The following DNAJC6 variants were observed in gnomAD, a reference collection of about 807,000 sequenced individuals.
DNAJC6 encodes auxilin.
A neutral mutation model predicts 110.0 loss-of-function variants in DNAJC6; 34 were observed. The ratio of observed to expected loss-of-function variants is 0.31; its 90% CI spans 0.24 to 0.41. DNAJC6 has a LOEUF of 0.41. Among genes scored for constraint, DNAJC6 ranks in the 10% least tolerant of loss-of-function variants. DNAJC6 has a pLI of 1.00. For missense variants in DNAJC6, 1,031 were observed against 1,207.8 expected, an observed-to-expected ratio of 0.85 and a Z score of 2.17; for synonymous variants, 406 against 437.2, an observed-to-expected ratio of 0.93 and a Z score of 0.89.
At chr1:65,375,253 C>T (rs1645749983) in intron 4 of DNAJC6, among the ~76,000 whole-genome samples, 1 of 152,038 alleles carries the variant, frequency 6.6e-6, no homozygotes, top group Non-Finnish European at 1.5e-5. Context: ...GCGTGAGCTG[C>T]CGAGCCTGGC....
At chr1:65,365,279 A>G (rs1243168401) in intron 2 of DNAJC6, among the ~76,000 whole-genome samples, 1 of 151,908 alleles carries the variant, frequency 6.6e-6, no homozygotes, top group African/African-American at 2.4e-5. Context: ...GAAGTTTCCT[A>G]CTCTTCCACT....
At chr1:65,385,986 T>C in intron 7 of DNAJC6, 80 bp downstream of exon 7, 2 of 1,334,686 alleles carry the variant, frequency 1.5e-6, no homozygotes, top group Admixed American at 2.1e-5. Flanking sequence ...AATCATATTC[T>C]TCCTGCAAGA....
At chr1:65,317,565 A>G (rs1645159525) in intron 1 of DNAJC6, among the ~76,000 whole-genome samples, 1 of 152,230 alleles carries the variant, frequency 6.6e-6, no homozygotes, top group Non-Finnish European at 1.5e-5. Flanking sequence ...TAACAGCGCA[A>G]ATGTCACCAC....
At chr1:65,387,389 A>G (rs561330056) in intron 8 of DNAJC6, among the ~76,000 whole-genome samples, 2 of 152,330 alleles carry the variant, frequency 1.3e-5, no homozygotes, top group Admixed American at 1.3e-4. Flanking sequence ...TGCAAACATC[A>G]CCACTAATTC....
At chr1:65,305,719 G>C (rs1645030611), upstream of DNAJC6, among the ~76,000 whole-genome samples, 1 of 151,862 alleles carries the variant, frequency 6.6e-6, no homozygotes, top group East Asian at 2.0e-4. Context: ...TAAAAACTCA[G>C]GGCAAAACAA....
At chr1:65,387,636 A>G (rs1645885586) in intron 8 of DNAJC6, among the ~76,000 whole-genome samples, 1 of 152,326 alleles carries the variant, frequency 6.6e-6, no homozygotes. Flanking sequence ...TCATTATCTT[A>G]TATGGCCAAA....
intron 4 of DNAJC6, among the ~76,000 whole-genome samples, chr1:65,371,846 G>A (rs1570340463): frequency 6.6e-6 from 1 of 152,188 alleles, no homozygotes; most frequent in African/African-American, 2.4e-5. Context: ...GCATGAAGCT[G>A]TGAACCCCAG....
chr1:65,348,964 ATAAATATATATG>A (rs1481698192), intron 1 of DNAJC6, among the ~76,000 whole-genome samples: 1 of 146,038 alleles, frequency 6.8e-6, no homozygotes, highest in Admixed American at 6.9e-5. Context: ...ATAAATATAT[ATAAATATATATG>A]TAAATATATA....
At chr1:65,381,471 C>T (rs1283919429) in intron 5 of DNAJC6, among the ~76,000 whole-genome samples, 1 of 151,634 alleles carries the variant, frequency 6.6e-6, no homozygotes, top group Non-Finnish European at 1.5e-5. Context: ...ATTGCTTGAA[C>T]CTGGGAGGCG....
chr1:65,328,763 T>C (rs1441518021), intron 1 of DNAJC6, among the ~76,000 whole-genome samples: 3 of 152,220 alleles, frequency 2.0e-5, no homozygotes, highest in African/African-American at 7.2e-5. Flanking sequence ...CTTAGCAGTC[T>C]TCTTGGTTCC....
chr1:65,266,156 G>A (rs185988898), intron 1 of DNAJC6, among the ~76,000 whole-genome samples: 2 of 152,300 alleles, frequency 1.3e-5, no homozygotes, highest in East Asian at 1.9e-4. Context: ...CTCTCTGCGC[G>A]CAGCGCCGCG....
intron 14 of DNAJC6, among the ~76,000 whole-genome samples, chr1:65,400,593 T>C (rs1328219173): frequency 2.0e-5 from 3 of 152,260 alleles, no homozygotes; most frequent in Non-Finnish European, 4.4e-5. Flanking sequence ...TTTGTCTTTC[T>C]GTGCCTGGCT....
chr1:65,367,296 G>A (rs894670894), intron 4 of DNAJC6, among the ~76,000 whole-genome samples: 2 of 152,114 alleles, frequency 1.3e-5, no homozygotes, highest in Non-Finnish European at 2.9e-5. Context: ...ACCACTCTTT[G>A]ATAAAGCACT....
At chr1:65,385,512 G>C (rs1645862620) in intron 6 of DNAJC6, among the ~76,000 whole-genome samples, 200 bp from the exon 7 acceptor site, 1 of 152,050 alleles carries the variant, frequency 6.6e-6, no homozygotes, top group East Asian at 1.9e-4. Flanking sequence ...CAGTTCATTG[G>C]GGAAGTACAG....
intron 1 of DNAJC6, among the ~76,000 whole-genome samples, chr1:65,288,947 A>G (rs1654106311): frequency 6.6e-6 from 1 of 152,176 alleles, no homozygotes; most frequent in South Asian, 2.1e-4. Context: ...TATGAAAAGT[A>G]CTACTATGAA....
intron 1 of DNAJC6, among the ~76,000 whole-genome samples, chr1:65,269,979 A>C (rs1376792477): frequency 6.6e-6 from 1 of 152,156 alleles, no homozygotes; most frequent in African/African-American, 2.4e-5. Context: ...AACCTTCTAT[A>C]CTTTTCTGGG....
At chr1:65,360,832 C>A (rs1645590320) in intron 1 of DNAJC6, among the ~76,000 whole-genome samples, 1 of 152,100 alleles carries the variant, frequency 6.6e-6, no homozygotes, top group South Asian at 2.1e-4. Flanking sequence ...ATGAGATTGA[C>A]TTGGTTTGCC....
At chr1:65,310,162 GCTC>G (rs977228806) in intron 1 of DNAJC6, among the ~76,000 whole-genome samples, 1 of 149,762 alleles carries the variant, frequency 6.7e-6, no homozygotes, top group Non-Finnish European at 1.5e-5. Flanking sequence ...ACTGTAGCGA[GCTC>G]CTCCTAATCT....
chr1:65,302,112 A>G (rs1376318903), intron 1 of DNAJC6, among the ~76,000 whole-genome samples: 2 of 50,486 alleles, frequency 4.0e-5, no homozygotes, highest in South Asian at 5.3e-4. Flanking sequence ...TATATAATAT[A>G]TATATATATA....
Sources: allele counts gnomAD v4.1 joint callset (sites outside exome capture counted in the v4.1 genomes callset), GRCh38; gene constraint gnomAD v4.1.1; transcripts MANE v1.5; gene names NCBI Gene and HGNC (gene_info 2026-07-23, HGNC 2026-07-21).